ABCB8: variants seen among roughly 807,000 people sequenced by gnomAD.
The protein encoded by ABCB8 is mitochondrial potassium channel ATP-binding subunit.
In ABCB8, 52 loss-of-function variants were observed where a neutral mutation model predicts 73.0. The ratio of observed to expected loss-of-function variants is 0.71; its 90% CI spans 0.57 to 0.90. ABCB8 has a LOEUF of 0.90. ABCB8 is among the 40% of genes least tolerant of loss of function. ABCB8 has a pLI of 0.00. For missense variants in ABCB8, 909 were observed against 974.6 expected (o/e 0.93, Z 0.90); for synonymous variants, 428 against 423.5 (o/e 1.01, Z -0.13).
At chr7:151,044,358 CAT>C (rs2117244716) in intron 15 of ABCB8, 137 bp downstream of exon 15, 1 of 1,395,864 alleles carries the variant, frequency 7.2e-7, no homozygotes, top group Non-Finnish European at 9.6e-7. Flanking sequence ...AGCAGCGTCC[CAT>C]ATAGAGTCAG....
intron 1 of ABCB8, chr7:151,033,009 C>T (rs899070588): frequency 1.5e-5 from 7 of 456,494 alleles, no homozygotes; most frequent in Non-Finnish European, 2.6e-5. Context: ...CTGCTGCCTG[C>T]GGACAAGTTA....
intron 14 of ABCB8, among the ~76,000 whole-genome samples, chr7:151,042,571 G>A (rs534965296): frequency 2.6e-5 from 4 of 152,278 alleles, no homozygotes; most frequent in Non-Finnish European, 4.4e-5. Context: ...CATTAGAATC[G>A]GGGTGACTGG....
At chr7:151,034,869 CTT>C in intron 5 of ABCB8, 40 bp downstream of exon 5, 1 of 1,550,736 alleles carries the variant, frequency 6.4e-7, no homozygotes, top group East Asian at 2.3e-5. Flanking sequence ...CACACACACA[CTT>C]TCCCATGTGG....
chr7:151,036,414 C>T, intron 8 of ABCB8, 130 bp from the exon 9 acceptor site: 2 of 957,788 alleles, frequency 2.1e-6, no homozygotes, highest in Admixed American at 3.8e-5. Context: ...ACTTGCTCTT[C>T]CGAGGAGGAA....
intron 6 of ABCB8, 41 bp from the exon 7 acceptor site, chr7:151,035,840 TG>T: frequency 6.2e-7 from 1 of 1,610,934 alleles, no homozygotes; most frequent in South Asian, 1.1e-5. Context: ...CTCCTTGTCC[TG>T]TTTTCTGGAC....
At chr7:151,032,984 C>T (rs373122552) in intron 1 of ABCB8, 10 of 456,490 alleles carry the variant, frequency 2.2e-5, no homozygotes, top group African/African-American at 1.8e-4. Flanking sequence ...ACTTGGTTCC[C>T]TGCTCGTCCC....
chr7:151,031,426 A>T (rs1796159522), intron 1 of ABCB8: 1 of 1,251,840 alleles, frequency 8.0e-7, no homozygotes, highest in South Asian at 1.5e-5. Flanking sequence ...CAGGGGAAGG[A>T]TGAGATGAAG....
chr7:151,030,800 C>T (rs1034511107), intron 1 of ABCB8, among the ~76,000 whole-genome samples: 2 of 152,012 alleles, frequency 1.3e-5, no homozygotes, highest in Non-Finnish European at 2.9e-5. Flanking sequence ...ATTAACCAGG[C>T]ATGGTGGTGG....
At chr7:151,028,856 A>G in intron 1 of ABCB8, 1 of 1,542,344 alleles carries the variant, frequency 6.5e-7, no homozygotes, top group Admixed American at 1.8e-5. Flanking sequence ...GCTCGGGGTC[A>G]GTGACCACGC....
intron 9 of ABCB8, chr7:151,039,592 G>A (rs1796401644): frequency 6.6e-6 from 1 of 152,346 alleles, no homozygotes; most frequent in Non-Finnish European, 1.5e-5. Context: ...TGTCTAGACA[G>A]ATAACACTGT....
chr7:151,028,734 C>A lies in ABCB8; in HGVS notation c.95+124C>A, dbSNP rs563831870. ...GCTGGGAGCTGTAGGCCAGGCCTAC[C>A]GGGGTGGAATGTCACTCCGCGGGTG... is the stretch of plus-strand genomic sequence containing the variant. On this transcript the variant is annotated intron_variant, in intron 1 of 15. Coordinates refer to ENST00000358849, the MANE Select transcript of ABCB8 (RefSeq NM_007188.5). The A allele has an allele frequency of 1.0e-5, 16 of 1,538,142 alleles. No individual in the cohort carries two copies. The South Asian group carries it at 1.2e-4, about 11-fold the overall frequency.
intron 14 of ABCB8, among the ~76,000 whole-genome samples, chr7:151,042,904 TG>T (rs539172073): frequency 1.5e-4 from 23 of 152,364 alleles, no homozygotes; most frequent in Middle Eastern, 3.4e-3. Flanking sequence ...CTGTCCTCAC[TG>T]GGTGCTCTCC....
rs1454160421 is a variant in ABCB8 at position 151,040,864 on chromosome 7, C to G, written c.1425C>G (p.Asp475Glu). ...GCCCCGGCTTCGAGGTGCTGAAAGA[C>G]TTCACCCTGACGCTGCCCCCTGGCA... ...PCRPGFEVLKDFTLTLPPGKI... is the reference protein window; with the variant it reads ...PCRPGFEVLKEFTLTLPPGKI... The change falls in exon 12 of 16, where the codon GAC becomes GAG. Residue 475 changes from aspartate to glutamate, a missense_variant. By Grantham distance (45) the Asp-to-Glu change is conservative (BLOSUM62 2). Transcript: ENST00000358849. The G allele has an allele frequency of 1.9e-6, 3 of 1,604,470 alleles. No individual in the cohort carries two copies. Among genetic ancestry groups the G allele is most frequent in the Non-Finnish European group, 2.6e-6 (3 of 1,175,866 alleles).
chr7:151,036,230 G>T, intron 8 of ABCB8, 60 bp downstream of exon 8: 1 of 1,493,530 alleles, frequency 6.7e-7, no homozygotes, highest in Admixed American at 2.0e-5. Flanking sequence ...GCTGGGAGCA[G>T]CCAAGGCAGG....
Position 151,035,755 on chromosome 7 carries a change from C to T in ABCB8, c.927+13C>T. On this transcript the variant is annotated intron_variant, in intron 6 of 15. Transcript: ENST00000358849. The stretch of plus-strand genomic sequence containing the variant: ...GTGTCAGGAGCAGGTACCGGCATTC[C>T]TGGCCATCCTCTTCACCCTCCCCAC... 1 of 1,612,084 alleles carries T rather than the reference C, an allele frequency of 6.2e-7. No individual in the cohort carries two copies. The highest frequency in any genetic ancestry group is 8.5e-7 in the Non-Finnish European group (1 of 1,180,020).
rs1359166243 is a variant in ABCB8, at chr7:151,044,017, C to T, written c.1812C>T (p.Ala604=). ...CTGGGGGCCAGAAGCAGCGCCTGGC[C>T]ATCGCCCGAGCCCTTATCAAGCAGC... is the stretch of plus-strand genomic sequence containing the variant. ...TLSGGQKQRL[A]IARALIKQPT... is the part of the protein sequence containing the mutation. The change falls in exon 15 of 16, where the codon GCC becomes GCT. Residue 604 remains alanine (A), a synonymous_variant. Transcript: ENST00000358849. 1 of 1,613,016 alleles carries T rather than the reference C, an allele frequency of 6.2e-7. No individual in the cohort carries two copies. Among genetic ancestry groups the T allele is most frequent in the Non-Finnish European group, 8.5e-7 (1 of 1,179,872 alleles).
Position 151,033,764 on chromosome 7 carries a change from T to G in ABCB8, c.255T>G (p.Ser85Arg), listed in dbSNP as rs780205944. ...GGALLGPMVL[S>R]KHPHLCLVAL... is the part of the protein sequence containing the mutation. The stretch of plus-strand genomic sequence containing the variant: ...CCCTGCTAGGCCCCATGGTACTGAG[T>G]AAGCATCCCCACCTCTGCCTTGTGG... The change falls in exon 2 of 16, where the codon AGT (serine) becomes AGG (arginine). Residue 85 changes from serine (S) to arginine (R), a missense_variant. Transcript: ENST00000358849. 1 of 1,614,014 alleles carries G rather than the reference T, an allele frequency of 6.2e-7. No homozygotes were observed. The highest frequency in any genetic ancestry group is 1.1e-5 in the South Asian group (1 of 91,078).
At position 151,035,617 on chromosome 7, in the gene ABCB8, G is replaced by A; in HGVS notation, c.802G>A (p.Val268Met). 6.2e-7 allele frequency: 1 copy of A among 1,603,990 alleles called. No homozygotes were observed. Among genetic ancestry groups the A allele is most frequent in the Non-Finnish European group, 8.5e-7 (1 of 1,172,234 alleles). Residue 268 changes from valine to methionine, a missense_variant, in exon 6 of 16, where the codon GTG becomes ATG. Transcript: ENST00000358849. ...RSCTQVAGCL[V>M]SLSMLSTRLT... ...CTGCACCCAGGTGGCAGGCTGCCTG[G>A]TGTCCCTGTCCATGCTGTCGACACG...
At position 151,034,776 on chromosome 7, in the gene ABCB8, T is replaced by C. The variant is rs1195432462; in HGVS notation, c.712T>C (p.Leu238=). 1 of 1,613,996 alleles carries C rather than the reference T, an allele frequency of 6.2e-7. No homozygotes were observed. The highest frequency in any genetic ancestry group is 8.5e-7 in the Non-Finnish European group (1 of 1,179,990). The change falls in exon 5 of 16, where the codon TTG becomes CTG. Residue 238 remains leucine (L), a synonymous_variant. Coordinates refer to ENST00000358849, the MANE Select transcript of ABCB8 (RefSeq NM_007188.5). The part of the protein sequence containing the change: ...ANKTGQLVSR[L]TTDVQEFKSS... ...TAAGACAGGGCAGCTGGTGAGCCGC[T>C]TGACAACTGACGTGCAGGAGTTTAA...
Sources: allele counts gnomAD v4.1 joint callset (sites outside exome capture counted in the v4.1 genomes callset), GRCh38; gene constraint gnomAD v4.1.1; transcripts MANE v1.5; gene names NCBI Gene and HGNC (gene_info 2026-07-23, HGNC 2026-07-21).